Variants in SASH1 observed in about 807,000 individuals in gnomAD.
SASH1 encodes the protein SAM and SH3 domain-containing protein 1.
SASH1 carries 44 observed loss-of-function variants against 125.2 expected under a neutral mutation model. That is an observed-to-expected ratio of 0.35 (90% CI 0.28 to 0.45). The LOEUF is 0.45. Among genes scored for constraint, SASH1 ranks in the 20% least tolerant of loss-of-function variants. The pLI is 1.00. For synonymous variants in SASH1, 639 were observed against 649.1 expected (o/e 0.98, Z 0.24); for missense variants, 1,426 against 1,614.5 (o/e 0.88, Z 2.00).
At chr6:148,446,698 TGC>T (rs1776810755) in intron 4 of SASH1, among the ~76,000 whole-genome samples, 1 of 152,188 alleles carries the variant, frequency 6.6e-6, no homozygotes, top group African/African-American at 2.4e-5. Flanking sequence ...TAATAGGTGA[TGC>T]TTATTGAGTT....
chr6:148,481,578 A>C lies in SASH1; in HGVS notation c.628-6036A>C, dbSNP rs144770677. On this transcript the variant is annotated intron_variant, in intron 7 of 19. Coordinates refer to ENST00000367467, the MANE Select transcript of SASH1 (RefSeq NM_015278.5). ...CACAGAGGCGATTGCAGGGTTATTA[A>C]TTGGCCTAATTTAAATATGTTGTGT... 5.5e-3 allele frequency among the ~76,000 whole-genome samples: 840 copies of C among 152,246 alleles called. 6 individuals carry two copies. The highest frequency in any genetic ancestry group is 7.2e-3 in the Non-Finnish European group (491 of 68,004).
chr6:148,319,606 C>T (rs1344868709), intron 1 of SASH1, among the ~76,000 whole-genome samples: 1 of 152,052 alleles, frequency 6.6e-6, no homozygotes, highest in Non-Finnish European at 1.5e-5. Context: ...AACCTCCCCT[C>T]CCGGGTTCAA....
At chr6:148,377,187 A>C (rs1277821337) in intron 1 of SASH1, among the ~76,000 whole-genome samples, 1 of 144,236 alleles carries the variant, frequency 6.9e-6, no homozygotes, top group Non-Finnish European at 1.5e-5. Context: ...AAAAAAACAA[A>C]AAAAAAACAA....
rs1490015617 is a variant in SASH1, at chr6:148,549,492, G to A, written c.*934G>A. 15 of 389,384 alleles carry A rather than the reference G, an allele frequency of 3.9e-5. No individual in the cohort carries two copies. Among genetic ancestry groups the A allele is most frequent in the Non-Finnish European group, 5.0e-5 (11 of 221,152 alleles). 24.1% of individuals were successfully genotyped at this position (389,384 alleles called of 1,614,324 possible). A position where few individuals can be genotyped will look rare whatever the true frequency, so the allele number is the denominator to read the frequency against. ...GTTTAGTATCGTTACTGTGTGGATC[G>A]TCGCGCTGCAGTATTGACTTGGAAT... On this transcript the variant is annotated 3_prime_UTR_variant, in exon 20 of 20. Coordinates refer to ENST00000367467, the MANE Select transcript of SASH1 (RefSeq NM_015278.5).
chr6:148,273,997 T>C (rs1204497144), intron 1 of SASH1, among the ~76,000 whole-genome samples: 1 of 152,236 alleles, frequency 6.6e-6, no homozygotes, highest in African/African-American at 2.4e-5. Context: ...AATTTCTCCT[T>C]GCCATCTTGG....
chr6:148,215,818 A>C, the SASH1 span, among the ~76,000 whole-genome samples: 2 of 152,106 alleles, frequency 1.3e-5, no homozygotes, highest in Non-Finnish European at 2.9e-5. Context: ...TATAGTGGAC[A>C]GAGCTAGCAG....
At chr6:148,211,951 C>T in the SASH1 span, among the ~76,000 whole-genome samples, 3 of 152,194 alleles carry the variant, frequency 2.0e-5, no homozygotes, top group East Asian at 1.9e-4. Flanking sequence ...GGATTTGCTG[C>T]GTCATTGTCA....
chr6:148,493,837 TAA>T (rs1317199702), intron 8 of SASH1, among the ~76,000 whole-genome samples: 1 of 152,244 alleles, frequency 6.6e-6, no homozygotes, highest in Non-Finnish European at 1.5e-5. Context: ...CTAAAAGTTT[TAA>T]AAGAGATTTT....
At chr6:148,280,378 C>A in intron 1 of SASH1, 1 of 152,230 alleles carries the variant, frequency 6.6e-6, no homozygotes, top group Non-Finnish European at 1.5e-5. Flanking sequence ...AGCTTCTGAG[C>A]CGCAGTCCTG....
intron 8 of SASH1, among the ~76,000 whole-genome samples, chr6:148,488,321 T>C (rs368197148): frequency 5.2e-4 from 79 of 152,390 alleles, no homozygotes; most frequent in African/African-American, 1.9e-3. Flanking sequence ...GTATCAGAAC[T>C]TCATCCCTTT....
Position 148,390,278 on chromosome 6 carries a change from G to T in SASH1, c.285+16G>T. 1 of 1,608,428 alleles carries T rather than the reference G, an allele frequency of 6.2e-7. No homozygotes were observed. Among genetic ancestry groups the T allele is most frequent in the Non-Finnish European group, 8.5e-7 (1 of 1,177,772 alleles). On this transcript the variant is annotated intron_variant, in intron 2 of 19. Transcript: ENST00000367467. ...CCTGGAAGTGGTGAGTGGGGGTCCT[G>T]GGAATATGCTTCTGTGAGCAGAGCT...
At chr6:148,434,114 T>A (rs1421671342) in intron 2 of SASH1, among the ~76,000 whole-genome samples, 8 of 121,212 alleles carry the variant, frequency 6.6e-5, no homozygotes, top group Admixed American at 1.1e-4. Context: ...GCTTGCACTG[T>A]CCCCCAGGCT....
chr6:148,472,464 C>T (rs551763614), intron 6 of SASH1, among the ~76,000 whole-genome samples: 2 of 149,694 alleles, frequency 1.3e-5, no homozygotes, highest in Admixed American at 1.3e-4. Flanking sequence ...AAAAAACAGT[C>T]TAAAGCTAAG....
chr6:148,455,265 G>A (rs190065158), intron 4 of SASH1, among the ~76,000 whole-genome samples: 37 of 152,318 alleles, frequency 2.4e-4, no homozygotes, highest in African/African-American at 8.7e-4. Flanking sequence ...AGTTTCCCAG[G>A]AGACTCTTAA....
intron 6 of SASH1, among the ~76,000 whole-genome samples, chr6:148,472,625 C>T (rs1483114857): frequency 1.3e-5 from 2 of 152,180 alleles, no homozygotes; most frequent in Non-Finnish European, 2.9e-5. Context: ...ACCCAGCAGG[C>T]TTCTCTCTTC....
At chr6:148,380,372 G>A (rs1783083175) in intron 1 of SASH1, among the ~76,000 whole-genome samples, 1 of 152,180 alleles carries the variant, frequency 6.6e-6, no homozygotes, top group Non-Finnish European at 1.5e-5. Context: ...TAAAATTCTG[G>A]TCATATCACA....
intron 1 of SASH1, among the ~76,000 whole-genome samples, chr6:148,353,530 A>G (rs1452417964): frequency 7.0e-6 from 1 of 143,658 alleles, no homozygotes; most frequent in Non-Finnish European, 1.5e-5. Context: ...TGCCTCCCAG[A>G]TTCAAATGAT....
chr6:148,399,214 CTTT>C (rs371374910), intron 2 of SASH1, among the ~76,000 whole-genome samples: 46 of 106,660 alleles, frequency 4.3e-4, no homozygotes, highest in East Asian at 2.2e-3. Context: ...ATTTCAGCTT[CTTT>C]TTTTTTTTTT....
At chr6:148,299,388 T>TG (rs1562312703) in intron 1 of SASH1, among the ~76,000 whole-genome samples, 2 of 151,878 alleles carry the variant, frequency 1.3e-5, no homozygotes, top group African/African-American at 4.8e-5. Flanking sequence ...AGACTGTCGT[T>TG]GGGTGCGGTG....
Sources: allele counts gnomAD v4.1 joint callset (sites outside exome capture counted in the v4.1 genomes callset), GRCh38; gene constraint gnomAD v4.1.1; transcripts MANE v1.5; gene names NCBI Gene and HGNC (gene_info 2026-07-23, HGNC 2026-07-21).